The following ABCA13 variants were observed in gnomAD, a reference collection of about 807,000 sequenced individuals.
ABCA13 encodes ATP-binding cassette sub-family A member 13.
Under a neutral mutation model 478.7 loss-of-function variants are expected in ABCA13, and 476 were observed. The ratio of observed to expected loss-of-function variants is 0.99; its 90% CI spans 0.92 to 1.07. The LOEUF (loss-of-function observed/expected upper bound fraction) is 1.07, where lower values mean the gene tolerates loss of function less well. Ranked by LOEUF, ABCA13 falls within the 50% of genes least tolerant of loss-of-function variation. The pLI, the probability that ABCA13 is intolerant of heterozygous loss-of-function variation, is 0.00. For missense variants in ABCA13, 6,060 were observed against 5,910.6 expected (o/e 1.03, Z -0.83); for synonymous variants, 2,252 against 2,158.9 (o/e 1.04, Z -1.20).
rs373023154 is a variant in ABCA13 at position 48,600,834 on chromosome 7, A to G, written c.14744+6021A>G. Among the ~76,000 whole-genome samples the G allele has an allele frequency of 8.5e-5, 13 of 152,230 alleles. No individual in the cohort carries two copies. The East Asian group carries it at 9.6e-4, about 11-fold the overall frequency. ...TATCCACAGTCTTAAATAGTAATCC[A>G]TACAATTGTCATTTCTGACGCATAT... On this transcript the variant is annotated intron_variant, in intron 58 of 61. Coordinates refer to ENST00000435803, the MANE Select transcript of ABCA13 (RefSeq NM_152701.5).
intron 21 of ABCA13, among the ~76,000 whole-genome samples, chr7:48,296,934 A>G (rs371977566): frequency 1.3e-5 from 2 of 152,146 alleles, no homozygotes; most frequent in African/African-American, 4.8e-5. Context: ...TCCATGATCT[A>G]TCCTATCTAT....
At chr7:48,296,115 G>A (rs1255586922) in intron 21 of ABCA13, among the ~76,000 whole-genome samples, 2 of 152,154 alleles carry the variant, frequency 1.3e-5, no homozygotes, top group Non-Finnish European at 2.9e-5. Context: ...AATCCACAAC[G>A]CTTGGTGGCA....
intron 50 of ABCA13, among the ~76,000 whole-genome samples, chr7:48,509,357 C>T (rs771181868): frequency 2.0e-4 from 31 of 152,056 alleles, no homozygotes; most frequent in African/African-American, 6.0e-4. Flanking sequence ...GTCTCTCTGC[C>T]GTCTGTCATT....
At chr7:48,606,696 G>A (rs7782862) in intron 58 of ABCA13, among the ~76,000 whole-genome samples, 2,963 of 152,284 alleles carry the variant, frequency 0.019, 97 homozygotes, top group African/African-American at 0.067. Flanking sequence ...AGGGGTCAGA[G>A]ACCCACTTGA....
At chr7:48,331,388 C>G (rs1037903690) in intron 27 of ABCA13, among the ~76,000 whole-genome samples, 2 of 152,106 alleles carry the variant, frequency 1.3e-5, no homozygotes, top group African/African-American at 4.8e-5. Context: ...CTCATTAGTT[C>G]CCTATAATCT....
chr7:48,252,620 C>A (rs1305341784), intron 15 of ABCA13, among the ~76,000 whole-genome samples: 2 of 152,110 alleles, frequency 1.3e-5, no homozygotes, highest in South Asian at 2.1e-4. Context: ...TCTTACGGGA[C>A]CAAGCATCAT....
chr7:48,490,311 A>G (rs1450660251), intron 48 of ABCA13, among the ~76,000 whole-genome samples: 1 of 152,244 alleles, frequency 6.6e-6, no homozygotes, highest in Non-Finnish European at 1.5e-5. Context: ...TTCATTAGAT[A>G]TTTAACATCC....
chr7:48,599,251 A>T (rs1227825017), intron 58 of ABCA13, among the ~76,000 whole-genome samples: 1 of 150,726 alleles, frequency 6.6e-6, no homozygotes, highest in Non-Finnish European at 1.5e-5. Flanking sequence ...TTTTTAAGAG[A>T]TTTTTTTTTC....
At chr7:48,521,707 T>C (rs1832556698) in intron 53 of ABCA13, among the ~76,000 whole-genome samples, 1 of 152,220 alleles carries the variant, frequency 6.6e-6, no homozygotes, top group Admixed American at 6.5e-5. Flanking sequence ...GAGAAAAATC[T>C]GTATTACCTT....
chr7:48,382,631 G>C (rs1814565750), intron 35 of ABCA13, among the ~76,000 whole-genome samples: 2 of 152,146 alleles, frequency 1.3e-5, no homozygotes. Flanking sequence ...TGTATTTTCT[G>C]AATCTAGCAT....
intron 1 of ABCA13, among the ~76,000 whole-genome samples, chr7:48,176,110 A>G (rs763962554): frequency 2.7e-4 from 41 of 152,124 alleles, no homozygotes; most frequent in Non-Finnish European, 1.2e-4. Context: ...CCAGGATCCT[A>G]CATCTGTTGA....
At chr7:48,309,668 T>G (rs6969141) in intron 23 of ABCA13, among the ~76,000 whole-genome samples, 1 of 151,894 alleles carries the variant, frequency 6.6e-6, no homozygotes, top group East Asian at 1.9e-4. Flanking sequence ...GTGAGCCTCG[T>G]GGAGAGCAGA....
chr7:48,317,344 C>T, intron 27 of ABCA13, 48 bp downstream of exon 27: 1 of 1,553,384 alleles, frequency 6.4e-7, no homozygotes, highest in Non-Finnish European at 8.7e-7. Flanking sequence ...TACACTAAAT[C>T]AGGAAGGAAT....
chr7:48,516,879 A>G lies in ABCA13; in HGVS notation c.13795A>G (p.Lys4599Glu), dbSNP rs1193535214. Residue 4599 changes from lysine (K) to glutamate (E), a missense_variant and splice_region_variant, in exon 52 of 62, where the codon AAG becomes GAG. Around this residue, in one of 3 missense-constraint regions of ABCA13, gnomAD observed 1,627 missense variants for 1,571.0 expected, o/e 1.04. Coordinates refer to ENST00000435803, the MANE Select transcript of ABCA13 (RefSeq NM_152701.5). The stretch of plus-strand genomic sequence containing the variant: ...GTTGCTAGCCATCATCTCCAAAGCT[A>G]AGGTCAGTAGCTTTGTAGCATCACC... ...PRLLAIISKA[K>E]NLQNIYDVLK... 6.2e-7 allele frequency: 1 copy of G among 1,613,462 alleles called. No individual in the cohort carries two copies. Among genetic ancestry groups the G allele is most frequent in the African/African-American group, 1.3e-5 (1 of 75,010 alleles).
intron 19 of ABCA13, among the ~76,000 whole-genome samples, chr7:48,285,876 A>G (rs1044972852): frequency 1.3e-5 from 2 of 152,224 alleles, no homozygotes; most frequent in Non-Finnish European, 2.9e-5. Flanking sequence ...TATATTTCCT[A>G]CAATAAAGAT....
At chr7:48,369,230 C>A (rs908195990) in intron 32 of ABCA13, among the ~76,000 whole-genome samples, 1 of 152,002 alleles carries the variant, frequency 6.6e-6, no homozygotes, top group African/African-American at 2.4e-5. Context: ...TCACGTCCTT[C>A]ACCCGCTTTT....
chr7:48,428,822 C>G (rs1305472989), intron 42 of ABCA13, among the ~76,000 whole-genome samples: 2 of 152,230 alleles, frequency 1.3e-5, no homozygotes, highest in South Asian at 4.1e-4. Context: ...ACACAATTCA[C>G]TCATATAAAT....
rs1001925621 is a variant in ABCA13 at position 48,475,526 on chromosome 7, C to A, written c.12975+3927C>A. ...TGTCACCCAGGCTAGAGGGCAGTGG[C>A]GTGATCTCGACTCACTGCCACCTCC... On this transcript the variant is annotated intron_variant, in intron 45 of 61. Coordinates refer to ENST00000435803, the MANE Select transcript of ABCA13 (RefSeq NM_152701.5). Among the ~76,000 whole-genome samples the A allele has an allele frequency of 2.4e-5, 3 of 125,836 alleles. No homozygotes were observed. In the Admixed American group the frequency reaches 3.0e-4, roughly 13 times the overall value. The allele number at this position is 125,836 out of a possible 152,430, so 82.6% of individuals were successfully genotyped here.
chr7:48,468,570 G>C (rs1231535808), intron 44 of ABCA13, among the ~76,000 whole-genome samples: 1 of 152,144 alleles, frequency 6.6e-6, no homozygotes, highest in Non-Finnish European at 1.5e-5. Flanking sequence ...TATACAAATA[G>C]GGCTTGATTC....
Sources: allele counts gnomAD v4.1 joint callset (sites outside exome capture counted in the v4.1 genomes callset), GRCh38; gene constraint gnomAD v4.1.1; regional missense constraint gnomAD v4.1.1; transcripts MANE v1.5; gene names NCBI Gene and HGNC (gene_info 2026-07-23, HGNC 2026-07-21).